SCGB2B2: variants seen among roughly 807,000 people sequenced by gnomAD.
The protein encoded by SCGB2B2 is secretoglobin family 2B member 2.
A neutral mutation model predicts 7.6 loss-of-function variants in SCGB2B2; 11 were observed. The observed-to-expected ratio is 1.45, with a 90% CI of 0.91 to 2.40. The LOEUF (loss-of-function observed/expected upper bound fraction) is 2.40. Among genes scored for constraint, SCGB2B2 ranks in the 30% most tolerant of loss-of-function variants. The probability of loss-of-function intolerance (pLI) is 0.00; values close to 1 mark genes in which losing one functional copy is unlikely to be tolerated. For synonymous variants in SCGB2B2, 50 were observed against 48.6 expected (o/e 1.03, Z -0.12); for missense variants, 104 against 115.4 (o/e 0.90, Z 0.45).
intron 1 of SCGB2B2, among the ~76,000 whole-genome samples, chr19:34,596,936 G>A (rs180887628): frequency 5.3e-4 from 80 of 152,046 alleles, no homozygotes; most frequent in Non-Finnish European, 6.8e-4. Context: ...AGTGGAGCCA[G>A]CTGGAGGGGT....
intron 1 of SCGB2B2, among the ~76,000 whole-genome samples, chr19:34,617,007 A>G (rs934270256): frequency 1.3e-5 from 2 of 152,204 alleles, no homozygotes; most frequent in African/African-American, 4.8e-5. Context: ...GATATGCGGC[A>G]TTATTTCTGA....
intron 1 of SCGB2B2, among the ~76,000 whole-genome samples, chr19:34,628,968 T>C (rs2066454650): frequency 6.6e-6 from 1 of 151,724 alleles, no homozygotes; most frequent in African/African-American, 2.4e-5. Context: ...GTTCAACATA[T>C]GCAAATCAAT....
intron 1 of SCGB2B2, among the ~76,000 whole-genome samples, chr19:34,605,754 A>AT (rs983052644): frequency 8.6e-5 from 13 of 150,940 alleles, no homozygotes; most frequent in South Asian, 6.3e-4. Context: ...TGTCTGGCTA[A>AT]TTTTTTTTTG....
At chr19:34,615,835 T>TC (rs1555745449) in intron 1 of SCGB2B2, among the ~76,000 whole-genome samples, 1 of 110,084 alleles carries the variant, frequency 9.1e-6, no homozygotes, top group Non-Finnish European at 1.8e-5. Context: ...CCCAATGCTA[T>TC]CCCTCCCCCC....
At chr19:34,645,779 C>G (rs2066993862) in intron 1 of SCGB2B2, 2 of 304,784 alleles carry the variant, frequency 6.6e-6, no homozygotes, top group Non-Finnish European at 6.7e-6. Flanking sequence ...CCTTCACCGT[C>G]ATTGCCATCC....
intron 1 of SCGB2B2, among the ~76,000 whole-genome samples, chr19:34,656,084 T>C (rs1367532106): frequency 6.6e-6 from 1 of 151,262 alleles, no homozygotes. Flanking sequence ...CTCAAGGACA[T>C]AGACAAAATG....
In SCGB2B2 at chr19:34,592,265, G is replaced by C. The variant is rs930535403; in HGVS notation, c.*1290C>G. ...GAGTGCAAAGATAGGGTGGTCAGCA[G>C]TGGAGCCTTGTCCTGGCCAGCCGTG... is the stretch of plus-strand genomic sequence containing the variant. On this transcript the variant is annotated 3_prime_UTR_variant, in exon 4 of 4. Transcript: ENST00000601241. Among the ~76,000 whole-genome samples, 1 of 152,176 alleles carries C rather than the reference G, an allele frequency of 6.6e-6. No individual in the cohort carries two copies. The highest frequency in any genetic ancestry group is 2.4e-5 in the African/African-American group (1 of 41,438).
In SCGB2B2 at chr19:34,592,940, T is replaced by A. The variant is rs114366982; in HGVS notation, c.*615A>T. Among the ~76,000 whole-genome samples the A allele has an allele frequency of 0.012, 1,807 of 151,646 alleles. 37 individuals carry two copies. The highest frequency in any genetic ancestry group is 0.039 in the African/African-American group (1,629 of 41,294). On this transcript the variant is annotated 3_prime_UTR_variant, in exon 4 of 4. Coordinates refer to ENST00000601241, the MANE Select transcript of SCGB2B2 (RefSeq NM_001025591.4). ...GCCCTGGAGGTTCTGCATTGAGGGGTTGTGGGGTAGAGGTAGGGGGAGAAA... is the reference window on the plus strand; with the variant it reads ...GCCCTGGAGGTTCTGCATTGAGGGGATGTGGGGTAGAGGTAGGGGGAGAAA...
chr19:34,644,086 C>T (rs1184636934), intron 1 of SCGB2B2, among the ~76,000 whole-genome samples: 2 of 152,186 alleles, frequency 1.3e-5, no homozygotes, highest in African/African-American at 2.4e-5. Context: ...ATATCAACAA[C>T]CAAAGTTTTG....
chr19:34,652,128 A>G (rs1311975173), intron 1 of SCGB2B2, among the ~76,000 whole-genome samples: 4 of 151,276 alleles, frequency 2.6e-5, no homozygotes, highest in Non-Finnish European at 2.9e-5. Flanking sequence ...TGATAAAATC[A>G]ACTCGAAATA....
intron 1 of SCGB2B2, among the ~76,000 whole-genome samples, chr19:34,660,283 T>C (rs577756920): frequency 3.5e-4 from 53 of 152,132 alleles, no homozygotes; most frequent in African/African-American, 1.3e-3. Context: ...AATAGACAAA[T>C]GGGATCTAAT....
At chr19:34,637,301 T>A (rs2066710061) in intron 1 of SCGB2B2, among the ~76,000 whole-genome samples, 1 of 152,134 alleles carries the variant, frequency 6.6e-6, no homozygotes, top group Non-Finnish European at 1.5e-5. Context: ...TGGGGCTGCC[T>A]GGGGAGGGGA....
intron 1 of SCGB2B2, among the ~76,000 whole-genome samples, chr19:34,639,505 A>C (rs2066782488): frequency 6.6e-6 from 1 of 152,204 alleles, no homozygotes; most frequent in Admixed American, 6.5e-5. Flanking sequence ...GCATAGTATC[A>C]TAAGTAATTG....
chr19:34,616,584 A>G (rs2066087609), intron 1 of SCGB2B2, among the ~76,000 whole-genome samples: 1 of 139,928 alleles, frequency 7.1e-6, no homozygotes, highest in South Asian at 2.4e-4. Context: ...TCTGGATATT[A>G]GCCCTTTGTC....
intron 1 of SCGB2B2, among the ~76,000 whole-genome samples, chr19:34,610,706 T>G (rs905087626): frequency 4.6e-5 from 7 of 152,202 alleles, no homozygotes; most frequent in Non-Finnish European, 7.4e-5. Flanking sequence ...CTGTTGAGGT[T>G]GGTTTGCTAG....
At chr19:34,610,804 T>C (rs2065906484) in intron 1 of SCGB2B2, among the ~76,000 whole-genome samples, 1 of 151,170 alleles carries the variant, frequency 6.6e-6, no homozygotes, top group Non-Finnish European at 1.5e-5. Flanking sequence ...TGTCCTTGTC[T>C]GGTTTTTCTA....
chr19:34,587,009 G>A (rs2145701565), downstream of SCGB2B2, among the ~76,000 whole-genome samples: 1 of 152,250 alleles, frequency 6.6e-6, no homozygotes, highest in South Asian at 2.1e-4. Context: ...CCAGGTTCAA[G>A]CGATTCTCCT....
At position 34,594,823 on chromosome 19, in the gene SCGB2B2, C is replaced by T. The variant is rs762167903; in HGVS notation, c.-260G>A. On this transcript the variant is annotated 5_prime_UTR_variant, in exon 2 of 4. Transcript: ENST00000601241. Reference sequence around the variant, plus strand: ...GAGGGGTTGGGTGTTGTGACATTCTCTCTGTCCTCCCTGGAGCTCCCTGGG... The same window carrying T: ...GAGGGGTTGGGTGTTGTGACATTCTTTCTGTCCTCCCTGGAGCTCCCTGGG... 4.8e-5 allele frequency: 25 copies of T among 516,754 alleles called. No individual in the cohort carries two copies. Among genetic ancestry groups the T allele is most frequent in the Non-Finnish European group, 6.8e-5 (19 of 281,340 alleles). The allele number at this position is 516,754 out of a possible 1,614,324, so 32.0% of individuals were successfully genotyped here.
intron 1 of SCGB2B2, among the ~76,000 whole-genome samples, chr19:34,609,414 T>G (rs971176352): frequency 1.1e-4 from 16 of 152,060 alleles, no homozygotes; most frequent in Admixed American, 6.5e-5. Context: ...GTCCTGAAAA[T>G]TTTTCTTCAT....
Sources: allele counts gnomAD v4.1 joint callset (sites outside exome capture counted in the v4.1 genomes callset), GRCh38; gene constraint gnomAD v4.1.1; transcripts MANE v1.5; gene names NCBI Gene and HGNC (gene_info 2026-07-23, HGNC 2026-07-21).